The following INSL6 variants were observed in gnomAD, a reference collection of about 807,000 sequenced individuals.
The protein encoded by INSL6 is insulin-like peptide INSL6.
In INSL6, 16 loss-of-function variants were observed where a neutral mutation model predicts 9.4. The observed-to-expected ratio is 1.70, with a 90% confidence interval of 1.15 to 2.59. INSL6 has a LOEUF of 2.59. Among genes scored for constraint, INSL6 ranks in the 30% most tolerant of loss-of-function variants. The pLI is 0.00. For missense variants in INSL6, 391 were observed against 257.3 expected (o/e 1.52, Z -3.56); for synonymous variants, 154 against 96.9 (o/e 1.59, Z -3.46).
At chr9:5,073,671 A>T in the INSL6 span, 12 of 1,543,954 alleles carry the variant, frequency 7.8e-6, no homozygotes, top group Non-Finnish European at 1.1e-5. Flanking sequence ...TCAAACAACA[A>T]TTCTTTGTAC....
the INSL6 span, among the ~76,000 whole-genome samples, chr9:5,043,559 C>G: frequency 2.0e-5 from 3 of 152,092 alleles, no homozygotes; most frequent in African/African-American, 7.2e-5. Context: ...AAAGGGTAAA[C>G]AAAGAGTTAC....
the INSL6 span, among the ~76,000 whole-genome samples, chr9:5,017,582 T>C: frequency 1.3e-5 from 2 of 152,234 alleles, no homozygotes; most frequent in Non-Finnish European, 2.9e-5. Context: ...TAATGTTGTT[T>C]GACATCTTTC....
chr9:5,041,293 C>G, the INSL6 span: 7 of 947,966 alleles, frequency 7.4e-6, no homozygotes, highest in Middle Eastern at 4.4e-4. Context: ...ACACTGGTCT[C>G]AGGACCAAGA....
chr9:5,088,144 G>A, the INSL6 span, among the ~76,000 whole-genome samples: 3 of 152,186 alleles, frequency 2.0e-5, no homozygotes, highest in East Asian at 5.8e-4. Flanking sequence ...CTCATTTTAG[G>A]GAGTTCTGAA....
the INSL6 span, among the ~76,000 whole-genome samples, chr9:4,998,792 G>C: frequency 6.6e-5 from 10 of 151,712 alleles, no homozygotes; most frequent in Non-Finnish European, 1.5e-4. Context: ...ACATTTTGCA[G>C]AATAATTTAT....
intron 2 of INSL6, among the ~76,000 whole-genome samples, chr9:5,143,049 G>A (rs967799301): frequency 6.6e-6 from 1 of 152,096 alleles, no homozygotes; most frequent in African/African-American, 2.4e-5. Context: ...AAGCCTACTC[G>A]ATTGTGATTG....
chr9:5,013,120 C>G, the INSL6 span, among the ~76,000 whole-genome samples: 3,423 of 152,158 alleles, frequency 0.022, 148 homozygotes, highest in African/African-American at 0.079. Flanking sequence ...AGTATGAAAG[C>G]TTGTTAAGAC....
the INSL6 span, chr9:5,114,187 T>TC: frequency 2.2e-6 from 1 of 454,354 alleles, no homozygotes; most frequent in South Asian, 1.9e-5. Context: ...CCGCAAGGGG[T>TC]GAGCACCTAC....
chr9:5,006,416 T>C, the INSL6 span, among the ~76,000 whole-genome samples: 1 of 152,172 alleles, frequency 6.6e-6, no homozygotes, highest in Non-Finnish European at 1.5e-5. Flanking sequence ...TTTCTAGATA[T>C]ACAATCATGG....
intron 2 of INSL6, among the ~76,000 whole-genome samples, chr9:5,134,948 A>G (rs866784590): frequency 6.6e-6 from 1 of 152,196 alleles, no homozygotes. Context: ...CCCAGCTCAC[A>G]TGCAAAGACA....
chr9:5,129,965 T>C (rs370797308), intron 3 of INSL6, among the ~76,000 whole-genome samples: 4 of 152,204 alleles, frequency 2.6e-5, no homozygotes, highest in African/African-American at 9.6e-5. Flanking sequence ...TCAGTTGTGT[T>C]TATGCCAGAT....
At chr9:5,114,393 G>A in the INSL6 span, 4 of 515,856 alleles carry the variant, frequency 7.8e-6, no homozygotes, top group Admixed American at 9.2e-5. Context: ...CACCCTGCTG[G>A]TGGGCACCAG....
chr9:5,102,641 G>A, the INSL6 span, among the ~76,000 whole-genome samples: 1 of 152,196 alleles, frequency 6.6e-6, no homozygotes, highest in Non-Finnish European at 1.5e-5. Flanking sequence ...GGCAGCCAGA[G>A]AGAAATGTCG....
the INSL6 span, chr9:5,085,215 C>A: frequency 4.5e-6 from 3 of 666,172 alleles, no homozygotes; most frequent in Non-Finnish European, 8.7e-6. Context: ...TTTCTGGGAA[C>A]TGCTGACAGG....
intron 1 of INSL6, among the ~76,000 whole-genome samples, chr9:5,166,251 T>A (rs994116477): frequency 6.6e-6 from 1 of 152,212 alleles, no homozygotes; most frequent in Non-Finnish European, 1.5e-5. Context: ...TATGATTTCT[T>A]AGGCTTTACA....
intron 3 of INSL6, among the ~76,000 whole-genome samples, chr9:5,129,489 A>G (rs113267941): frequency 6.6e-6 from 1 of 152,216 alleles, no homozygotes; most frequent in African/African-American, 2.4e-5. Context: ...AAGTTTCTCT[A>G]ATATTTCTAA....
the INSL6 span, among the ~76,000 whole-genome samples, chr9:4,997,400 G>C: frequency 2.6e-5 from 4 of 152,196 alleles, no homozygotes; most frequent in African/African-American, 9.7e-5. Flanking sequence ...CAAAAGCTAA[G>C]AGGGAGCAGG....
the INSL6 span, among the ~76,000 whole-genome samples, chr9:5,049,662 G>GA: frequency 6.6e-6 from 1 of 152,162 alleles, no homozygotes; most frequent in Non-Finnish European, 1.5e-5. Flanking sequence ...CTTGATGACT[G>GA]AGACCACATC....
At chr9:5,155,467 A>G (rs1824796028) in intron 2 of INSL6, among the ~76,000 whole-genome samples, 1 of 151,842 alleles carries the variant, frequency 6.6e-6, no homozygotes, top group Admixed American at 6.6e-5. Flanking sequence ...CTAAAACTTA[A>G]AGTATAATTT....
Sources: allele counts gnomAD v4.1 joint callset (sites outside exome capture counted in the v4.1 genomes callset), GRCh38; gene constraint gnomAD v4.1.1; transcripts MANE v1.5; gene names NCBI Gene and HGNC (gene_info 2026-07-23, HGNC 2026-07-21).